SHLD2: variants seen among roughly 807,000 people sequenced by gnomAD.
The protein encoded by SHLD2 is RINN1-REV7-interacting novel NHEJ regulator 2.
SHLD2 carries 30 observed loss-of-function variants against 73.2 expected under a neutral mutation model. That is an observed-to-expected ratio of 0.41 (90% CI 0.31 to 0.56). The LOEUF (loss-of-function observed/expected upper bound fraction) is 0.56. Ranked by LOEUF, SHLD2 falls within the 20% of genes least tolerant of loss-of-function variation. The probability of loss-of-function intolerance (pLI) is 0.28; values close to 1 mark genes in which losing one functional copy is unlikely to be tolerated. For missense variants in SHLD2, 745 were observed against 1,055.9 expected (o/e 0.71, Z 4.08); for synonymous variants, 285 against 370.1 (o/e 0.77, Z 2.64).
intron 2 of SHLD2, among the ~76,000 whole-genome samples, chr10:87,127,051 G>A (rs1844058709): frequency 6.6e-6 from 1 of 152,060 alleles, no homozygotes; most frequent in South Asian, 2.1e-4. Context: ...AAAGTCATCT[G>A]ACACAGTTAC....
intron 8 of SHLD2, among the ~76,000 whole-genome samples, chr10:87,181,168 C>T (rs112245143): frequency 6.7e-6 from 1 of 149,956 alleles, no homozygotes; most frequent in Non-Finnish European, 1.5e-5. Context: ...ATCGCTTGAG[C>T]CCAGGGGTTC....
chr10:87,104,003 G>GT (rs1398561177), intron 2 of SHLD2, among the ~76,000 whole-genome samples: 8 of 152,160 alleles, frequency 5.3e-5, no homozygotes. Context: ...GGAGGCTGAG[G>GT]TGGGTGGATC....
chr10:87,166,950 AGTGTGT>A (rs10602407), intron 4 of SHLD2, among the ~76,000 whole-genome samples: 236 of 126,274 alleles, frequency 1.9e-3, no homozygotes, highest in Non-Finnish European at 2.8e-3. Flanking sequence ...CATTTTGGAA[AGTGTGT>A]GTGTGTGTGT....
intron 4 of SHLD2, among the ~76,000 whole-genome samples, chr10:87,163,188 T>C (rs928249328): frequency 6.6e-5 from 10 of 152,108 alleles, no homozygotes; most frequent in African/African-American, 1.9e-4. Flanking sequence ...GGACATACTG[T>C]TATGTGAAAA....
chr10:87,148,242 T>C (rs1845759681), intron 2 of SHLD2, among the ~76,000 whole-genome samples: 1 of 152,222 alleles, frequency 6.6e-6, no homozygotes, highest in Non-Finnish European at 1.5e-5. Context: ...TCCCAGGGCC[T>C]AGCATAATGC....
At chr10:87,138,018 AAAG>A (rs765347279) in intron 2 of SHLD2, among the ~76,000 whole-genome samples, 2 of 152,152 alleles carry the variant, frequency 1.3e-5, no homozygotes, top group African/African-American at 4.8e-5. Flanking sequence ...TTAAAAAAGA[AAAG>A]AAGTCCAGGC....
chr10:87,167,470 A>G (rs1847282123), intron 4 of SHLD2, among the ~76,000 whole-genome samples: 1 of 152,264 alleles, frequency 6.6e-6, no homozygotes. Flanking sequence ...CAATTTGGTT[A>G]CTCATTTTAC....
rs575094327 is a variant in SHLD2, at chr10:87,154,671, G to T, written c.1525+1792G>T. 2.4e-4 allele frequency among the ~76,000 whole-genome samples: 37 copies of T among 152,214 alleles called. No individual in the cohort carries two copies. The East Asian group carries it at 6.9e-3, about 29-fold the overall frequency. ...GCTAGGATTACAAGTGTGAGCCACC[G>T]TGCCTGGCCAGAATATGTTTTCACC... On this transcript the variant is annotated intron_variant, in intron 3 of 9. Coordinates refer to ENST00000298786, the MANE Select transcript of SHLD2 (RefSeq NM_001330112.2).
chr10:87,134,644 G>A (rs1844670575), intron 2 of SHLD2, among the ~76,000 whole-genome samples: 1 of 152,250 alleles, frequency 6.6e-6, no homozygotes, highest in Non-Finnish European at 1.5e-5. Flanking sequence ...CCAGGTATAG[G>A]GCAACCACCC....
intron 2 of SHLD2, among the ~76,000 whole-genome samples, chr10:87,134,706 A>G (rs1303617253): frequency 6.6e-6 from 1 of 152,244 alleles, no homozygotes; most frequent in African/African-American, 2.4e-5. Context: ...CCAGGCTTTC[A>G]GTTCTGGAAT....
intron 2 of SHLD2, among the ~76,000 whole-genome samples, chr10:87,113,702 T>C (rs1843069524): frequency 6.6e-6 from 1 of 152,146 alleles, no homozygotes; most frequent in Non-Finnish European, 1.5e-5. Flanking sequence ...AATTGTATGC[T>C]ATGTCAATTA....
At chr10:87,171,307 A>G (rs570146442) in intron 6 of SHLD2, among the ~76,000 whole-genome samples, 1 of 152,202 alleles carries the variant, frequency 6.6e-6, no homozygotes, top group East Asian at 1.9e-4. Flanking sequence ...ATTTTTTTTC[A>G]GCCAGAGTAC....
intron 2 of SHLD2, among the ~76,000 whole-genome samples, chr10:87,146,888 C>G (rs537750469): frequency 6.6e-6 from 1 of 151,672 alleles, no homozygotes; most frequent in South Asian, 2.1e-4. Flanking sequence ...GAAACCCCAT[C>G]TCTACTAAAA....
chr10:87,125,478 G>C (rs1254768108), intron 2 of SHLD2, among the ~76,000 whole-genome samples: 1 of 152,262 alleles, frequency 6.6e-6, no homozygotes, highest in East Asian at 1.9e-4. Flanking sequence ...GCTGACGCCT[G>C]TAATCCTAGC....
chr10:87,145,560 A>G (rs1258410700), intron 2 of SHLD2, among the ~76,000 whole-genome samples: 1 of 151,886 alleles, frequency 6.6e-6, no homozygotes, highest in Non-Finnish European at 1.5e-5. Flanking sequence ...AGACATGAAA[A>G]GGCATTACTA....
chr10:87,145,380 T>C (rs1023889656), intron 2 of SHLD2, among the ~76,000 whole-genome samples: 1 of 152,176 alleles, frequency 6.6e-6, no homozygotes, highest in Non-Finnish European at 1.5e-5. Flanking sequence ...CCCATGCAAC[T>C]ATCACTTAAC....
At chr10:87,169,915 A>G (rs935216505) in intron 4 of SHLD2, among the ~76,000 whole-genome samples, 16 of 152,192 alleles carry the variant, frequency 1.1e-4, no homozygotes, top group African/African-American at 3.9e-4. Context: ...CTGTGAATCT[A>G]TAGTGGTAAT....
intron 2 of SHLD2, among the ~76,000 whole-genome samples, chr10:87,107,826 A>C (rs1357975277): frequency 1.3e-5 from 2 of 152,112 alleles, no homozygotes; most frequent in African/African-American, 2.4e-5. Context: ...TTAAATATAC[A>C]AAGATGTAAT....
intron 2 of SHLD2, among the ~76,000 whole-genome samples, chr10:87,146,166 C>T (rs1187869253): frequency 1.3e-5 from 2 of 152,168 alleles, no homozygotes; most frequent in Non-Finnish European, 2.9e-5. Context: ...AACAGTTCCA[C>T]ACTTACAAGG....
Sources: gnomAD v4.1 joint callset for allele counts (sites outside exome capture counted in the v4.1 genomes callset) on GRCh38, gnomAD v4.1.1 for gene constraint, MANE v1.5 for transcripts, NCBI Gene and HGNC (gene_info 2026-07-23, HGNC 2026-07-21) for gene names.